The following FBXL13 variants were observed in gnomAD, a reference collection of about 807,000 sequenced individuals.
FBXL13 encodes the protein F-box and leucine rich repeat protein 13.
FBXL13 carries 67 observed loss-of-function variants against 83.6 expected under a neutral mutation model. The ratio of observed to expected loss-of-function variants is 0.80; its 90% CI spans 0.66 to 0.98. The LOEUF (loss-of-function observed/expected upper bound fraction) is 0.98, where lower values mean the gene tolerates loss of function less well. Among genes scored for constraint, FBXL13 ranks in the 50% least tolerant of loss-of-function variants. The probability of loss-of-function intolerance (pLI) is 0.00; values close to 1 mark genes in which losing one functional copy is unlikely to be tolerated. For missense variants in FBXL13, 822 were observed against 866.5 expected (o/e 0.95, Z 0.64); for synonymous variants, 272 against 299.5 (o/e 0.91, Z 0.95).
At chr7:102,818,630 A>G (rs1294701721) in intron 19 of FBXL13, among the ~76,000 whole-genome samples, 1 of 152,172 alleles carries the variant, frequency 6.6e-6, no homozygotes, top group Non-Finnish European at 1.5e-5. Context: ...TCCGAGTTTA[A>G]GCTTCTAGCA....
At chr7:103,061,553 T>A (rs1797903867) in intron 1 of FBXL13, among the ~76,000 whole-genome samples, 1 of 151,976 alleles carries the variant, frequency 6.6e-6, no homozygotes, top group African/African-American at 2.4e-5. Context: ...CAGCTCCTCC[T>A]CTCCTAAATG....
intron 7 of FBXL13, among the ~76,000 whole-genome samples, chr7:102,967,315 T>C (rs954727928): frequency 6.8e-6 from 1 of 146,784 alleles, no homozygotes; most frequent in African/African-American, 2.6e-5. Context: ...CTCTGTTGCC[T>C]AGGCTGGAGT....
intron 6 of FBXL13, among the ~76,000 whole-genome samples, chr7:103,024,491 C>A (rs906361530): frequency 1.5e-5 from 2 of 136,296 alleles, no homozygotes; most frequent in Admixed American, 8.3e-5. Flanking sequence ...TGCACCAATG[C>A]ACTTCCAGCC....
intron 6 of FBXL13, among the ~76,000 whole-genome samples, chr7:102,991,049 G>C (rs762390395): frequency 6.6e-6 from 1 of 152,202 alleles, no homozygotes; most frequent in Non-Finnish European, 1.5e-5. Context: ...AAAGTCAACA[G>C]TCAAGAGTAG....
At chr7:102,942,264 A>C (rs1195586839) in intron 8 of FBXL13, 1 of 1,574,114 alleles carries the variant, frequency 6.4e-7, no homozygotes, top group Non-Finnish European at 8.6e-7. Flanking sequence ...AAGAAGTTTT[A>C]AAATGAAAGG....
chr7:102,855,681 T>A (rs1176907444), intron 16 of FBXL13, among the ~76,000 whole-genome samples: 1 of 148,936 alleles, frequency 6.7e-6, no homozygotes, highest in Non-Finnish European at 1.5e-5. Flanking sequence ...CATTCTATGA[T>A]TCCAGGGCTG....
intron 8 of FBXL13, among the ~76,000 whole-genome samples, chr7:102,959,044 A>G (rs1824753845): frequency 1.3e-5 from 2 of 152,174 alleles, no homozygotes; most frequent in Non-Finnish European, 2.9e-5. Flanking sequence ...TGAGAAAAAG[A>G]GAAAAGATAT....
At chr7:102,949,151 A>G (rs529157302) in intron 8 of FBXL13, among the ~76,000 whole-genome samples, 8 of 152,338 alleles carry the variant, frequency 5.3e-5, no homozygotes, top group African/African-American at 1.4e-4. Flanking sequence ...CAGAAAACCA[A>G]TCTTCCCAGA....
chr7:102,935,242 CTTTTTTTTTTTTTTT>C (rs71106700), intron 8 of FBXL13, among the ~76,000 whole-genome samples: 9 of 76,402 alleles, frequency 1.2e-4, no homozygotes, highest in East Asian at 4.1e-4. Flanking sequence ...TTTTTTCTTT[CTTTTTTTTTTTTTTT>C]TTTTTTTTTT....
intron 18 of FBXL13, among the ~76,000 whole-genome samples, chr7:102,831,600 C>G (rs531687919): frequency 1.3e-5 from 2 of 152,266 alleles, no homozygotes; most frequent in African/African-American, 4.8e-5. Flanking sequence ...TTAAGAATCT[C>G]TAACTCAGTC....
chr7:102,850,060 A>G (rs1804929666), intron 17 of FBXL13, among the ~76,000 whole-genome samples: 1 of 152,186 alleles, frequency 6.6e-6, no homozygotes, highest in Non-Finnish European at 1.5e-5. Context: ...TAGAACAACT[A>G]ATCTTTTAGA....
At chr7:102,826,757 A>ATATATATT (rs1799768593) in intron 18 of FBXL13, among the ~76,000 whole-genome samples, 2 of 104,846 alleles carry the variant, frequency 1.9e-5, no homozygotes, top group East Asian at 9.5e-4. Flanking sequence ...ATATATATAT[A>ATATATATT]TATATATATA....
At chr7:102,840,555 T>C (rs1802746580) in intron 17 of FBXL13, among the ~76,000 whole-genome samples, 1 of 152,178 alleles carries the variant, frequency 6.6e-6, no homozygotes, top group Non-Finnish European at 1.5e-5. Flanking sequence ...CCCAAGAAAA[T>C]GACAACTCAT....
chr7:102,943,230 C>T (rs1295586377), intron 8 of FBXL13, among the ~76,000 whole-genome samples: 2 of 151,990 alleles, frequency 1.3e-5, no homozygotes, highest in Non-Finnish European at 2.9e-5. Context: ...ACTGTCAGAT[C>T]ACCACCCGGC....
At chr7:102,902,622 T>C (rs542731373) in intron 11 of FBXL13, among the ~76,000 whole-genome samples, 9 of 152,126 alleles carry the variant, frequency 5.9e-5, no homozygotes, top group Non-Finnish European at 1.2e-4. Context: ...ACATTATGTA[T>C]ATAGTGTTAT....
chr7:102,940,900 ATAATG>A (rs1193791668), intron 8 of FBXL13, among the ~76,000 whole-genome samples: 3 of 152,366 alleles, frequency 2.0e-5, no homozygotes, highest in East Asian at 1.9e-4. Context: ...AAAATTATTA[ATAATG>A]TAATGTAATG....
At chr7:102,888,245 A>G (rs1200814621) in intron 11 of FBXL13, among the ~76,000 whole-genome samples, 3 of 152,178 alleles carry the variant, frequency 2.0e-5, no homozygotes, top group South Asian at 2.1e-4. Flanking sequence ...GACAAGACTG[A>G]AAAGAATTCC....
chr7:102,901,655 T>C (rs1369834589), intron 11 of FBXL13, among the ~76,000 whole-genome samples: 2 of 152,214 alleles, frequency 1.3e-5, no homozygotes, highest in African/African-American at 4.8e-5. Context: ...AGTGAGAATA[T>C]GCAATTTTTT....
chr7:102,887,797 A>C (rs1810994925), intron 11 of FBXL13, among the ~76,000 whole-genome samples: 1 of 152,258 alleles, frequency 6.6e-6, no homozygotes, highest in African/African-American at 2.4e-5. Flanking sequence ...CTGGTGTTTG[A>C]CCAAACAACT....
Sources: gnomAD v4.1 joint callset for allele counts (sites outside exome capture counted in the v4.1 genomes callset) on GRCh38, gnomAD v4.1.1 for gene constraint, MANE v1.5 for transcripts, NCBI Gene and HGNC (gene_info 2026-07-23, HGNC 2026-07-21) for gene names.